The following SUPT16H variants were observed in gnomAD, a reference collection of about 807,000 sequenced individuals.
SUPT16H encodes FACT complex subunit SPT16.
In SUPT16H, 24 loss-of-function variants were observed where a neutral mutation model predicts 136.2. The ratio of observed to expected loss-of-function variants is 0.18; its 90% confidence interval spans 0.13 to 0.25. The LOEUF is 0.25. SUPT16H is among the 10% of genes least tolerant of loss of function. The pLI, the probability that SUPT16H is intolerant of heterozygous loss-of-function variation, is 1.00. For missense variants in SUPT16H, 623 were observed against 1,270.2 expected (o/e 0.49, Z 7.74); for synonymous variants, 415 against 428.2 (o/e 0.97, Z 0.38).
At chr14:21,359,142 G>T (rs988959821) in intron 19 of SUPT16H, among the ~76,000 whole-genome samples, 1 of 151,878 alleles carries the variant, frequency 6.6e-6, no homozygotes, top group Admixed American at 6.6e-5. Context: ...CTGTCGCCCA[G>T]GCTGGAGTGC....
Position 21,352,822 on chromosome 14 carries a change from A to T in SUPT16H, c.2999-4T>A. ...TCGTAACGACTTTCTCGGTCCGCTA[A>T]ATAGAAGAGGCATTATTAGTTAGCA... On this transcript the variant is annotated splice_region_variant and splice_polypyrimidine_tract_variant and intron_variant, in intron 25 of 25. Transcript: ENST00000216297. 1 of 1,614,100 alleles carries T rather than the reference A, an allele frequency of 6.2e-7. No individual in the cohort carries two copies. Among genetic ancestry groups the T allele is most frequent in the Non-Finnish European group, 8.5e-7 (1 of 1,179,998 alleles).
At position 21,366,465 on chromosome 14, in the gene SUPT16H, C is replaced by T; in HGVS notation, c.1020G>A (p.Leu340=). ...MDVVKKQKPE[L]LNKITKNLGF... is the part of the protein sequence containing the mutation. ...CTAGGTTTTTGGTAATTTTGTTCAG[C>T]AGTTCTGGCTTCTGCTTTTTAACCA... The change falls in exon 8 of 26, where the codon CTG becomes CTA. Residue 340 remains leucine (L), a synonymous_variant. Transcript: ENST00000216297. The T allele has an allele frequency of 6.2e-7, 1 of 1,614,026 alleles. No homozygotes were observed. The highest frequency in any genetic ancestry group is 1.1e-5 in the South Asian group (1 of 91,058).
At position 21,352,598 on chromosome 14, in the gene SUPT16H, TAC is replaced by T. The variant is rs1452566325; in HGVS notation, c.*73_*74del. The T allele has an allele frequency of 1.4e-5, 23 of 1,596,968 alleles. No homozygotes were observed. The highest frequency in any genetic ancestry group is 6.8e-5 in the African/African-American group (5 of 73,676). On this transcript the variant is annotated 3_prime_UTR_variant, in exon 26 of 26. Transcript: ENST00000216297. ...CTTCAAATGAAAACGAAAGGAAAAA[TAC>T]AGTTTCTATGTCATGTAAAATTTTC... is the stretch of plus-strand genomic sequence containing the variant.
intron 25 of SUPT16H, 93 bp downstream of exon 25, chr14:21,353,394 CA>C: frequency 8.0e-7 from 1 of 1,255,092 alleles, no homozygotes; most frequent in Non-Finnish European, 1.1e-6. Flanking sequence ...TTGTTACTTT[CA>C]TTACGCCATC....
At chr14:21,371,104 T>G (rs909576792) in intron 3 of SUPT16H, among the ~76,000 whole-genome samples, 1 of 152,116 alleles carries the variant, frequency 6.6e-6, no homozygotes, top group Admixed American at 6.6e-5. Context: ...CTGGAACTCC[T>G]GCGCTCAAGT....
chr14:21,354,354 G>A, intron 23 of SUPT16H, 57 bp downstream of exon 23: 1 of 1,598,886 alleles, frequency 6.3e-7, no homozygotes, highest in Non-Finnish European at 8.5e-7. Flanking sequence ...CATTCTAACT[G>A]ACCAAATGAT....
Position 21,361,172 on chromosome 14 carries a change from G to A in SUPT16H, c.1835C>T (p.Thr612Ile), listed in dbSNP as rs1886543421. The A allele has an allele frequency of 3.7e-6, 6 of 1,614,100 alleles. No individual in the cohort carries two copies. The highest frequency in any genetic ancestry group is 5.1e-6 in the Non-Finnish European group (6 of 1,180,006). ...ASNIKAPGEQ[T>I]VPALNLQNAF... is the part of the protein sequence containing the mutation. ...ATTCTGAAGGTTCAAGGCTGGTACT[G>A]TCTGTTCTCCGGGTGCCTTAATATT... is the stretch of plus-strand genomic sequence containing the variant. Residue 612 changes from threonine (T) to isoleucine (I), a missense_variant, in exon 16 of 26, where the codon ACA becomes ATA. Thr to Ile is a moderately conservative substitution (Grantham distance 89, BLOSUM62 -1). Transcript: ENST00000216297.
At chr14:21,364,973 G>C (rs1347223577) in intron 9 of SUPT16H, 34 bp from the exon 10 acceptor site, 3 of 1,610,572 alleles carry the variant, frequency 1.9e-6, no homozygotes, top group Non-Finnish European at 2.5e-6. Context: ...GTCTGTGGCT[G>C]TGACAATGTG....
At position 21,353,842 on chromosome 14, in the gene SUPT16H, T is replaced by C. The variant is rs373877022; in HGVS notation, c.2791-10A>G. ...CTTCAGCATCACTCCCCTGGTGAGT[T>C]AGAGCATAATACTGATTTTTTTTTG... is the stretch of plus-strand genomic sequence containing the variant. On this transcript the variant is annotated splice_polypyrimidine_tract_variant and intron_variant, in intron 23 of 25. Coordinates refer to ENST00000216297, the MANE Select transcript of SUPT16H (RefSeq NM_007192.4). 2.5e-5 allele frequency: 41 copies of C among 1,610,120 alleles called. No homozygotes were observed. In the African/African-American group the frequency reaches 4.6e-4, roughly 18 times the overall value.
Position 21,369,777 on chromosome 14 carries a change from T to C in SUPT16H, c.603A>G (p.Arg201=), listed in dbSNP as rs779742875. Residue 201 remains arginine (R), a synonymous_variant, in exon 5 of 26, where the codon AGA becomes AGG. Transcript: ENST00000216297. ...SEVFNKFFKE[R]VMEIVDADEK... ...CATCTGCATCAACTATTTCCATGACTCTTTCCTTGAAGAATTTGTTGAAGA... is the reference window on the plus strand; with the variant it reads ...CATCTGCATCAACTATTTCCATGACCCTTTCCTTGAAGAATTTGTTGAAGA... The C allele has an allele frequency of 1.9e-6, 3 of 1,614,098 alleles. No homozygotes were observed. The highest frequency in any genetic ancestry group is 2.2e-5 in the South Asian group (2 of 91,076).
intron 1 of SUPT16H, among the ~76,000 whole-genome samples, chr14:21,381,786 C>CTTTT (rs5807076): frequency 1.5e-5 from 2 of 132,412 alleles, no homozygotes; most frequent in Non-Finnish European, 3.1e-5. Flanking sequence ...ATTTATTTGC[C>CTTTT]TTTTTTTTTT....
intron 19 of SUPT16H, among the ~76,000 whole-genome samples, 187 bp from the exon 20 acceptor site, chr14:21,358,614 T>C (rs1371939783): frequency 6.6e-6 from 1 of 152,192 alleles, no homozygotes; most frequent in African/African-American, 2.4e-5. Context: ...GCACAGATCA[T>C]CCCTGAAGTG....
chr14:21,352,709 T>C lies in SUPT16H; in HGVS notation c.3108A>G (p.Arg1036=), dbSNP rs758236791. The C allele has an allele frequency of 1.2e-6, 2 of 1,614,146 alleles. No homozygotes were observed. The highest frequency in any genetic ancestry group is 3.3e-5 in the Admixed American group (2 of 60,020). ...TTTTCTTGGGGGGTGCAGAGCTGTG[T>C]CTGGAACCACGGTTAGAGCCACGGC... ...SSGRGSNRGS[R]HSSAPPKKKR... Residue 1036 remains arginine (R), a synonymous_variant, in exon 26 of 26, where the codon AGA becomes AGG. Coordinates refer to ENST00000216297, the MANE Select transcript of SUPT16H (RefSeq NM_007192.4).
intron 1 of SUPT16H, among the ~76,000 whole-genome samples, chr14:21,377,860 G>A (rs1886937453): frequency 6.6e-6 from 1 of 152,206 alleles, no homozygotes; most frequent in Non-Finnish European, 1.5e-5. Context: ...CTGGCCTTAA[G>A]TGATCTGCCC....
At chr14:21,379,478 G>A (rs1248463547) in intron 1 of SUPT16H, among the ~76,000 whole-genome samples, 2 of 144,900 alleles carry the variant, frequency 1.4e-5, no homozygotes, top group Non-Finnish European at 1.5e-5. Flanking sequence ...GACTATAAAA[G>A]CTGAGTAAGC....
chr14:21,382,141 T>A (rs1379675159), intron 1 of SUPT16H, among the ~76,000 whole-genome samples: 2 of 152,158 alleles, frequency 1.3e-5, no homozygotes, highest in Non-Finnish European at 2.9e-5. Context: ...TACAGGTGGG[T>A]TCTGGACACA....
Position 21,352,800 on chromosome 14 carries a change from T to C in SUPT16H, c.3017A>G (p.Tyr1006Cys). 6.2e-7 allele frequency: 1 copy of C among 1,614,120 alleles called. No individual in the cohort carries two copies. Among genetic ancestry groups the C allele is most frequent in the Non-Finnish European group, 8.5e-7 (1 of 1,180,020 alleles). Residue 1006 changes from tyrosine (Y) to cysteine (C), a missense_variant, in exon 26 of 26, where the codon TAC (tyrosine) becomes TGC (cysteine). Coordinates refer to ENST00000216297, the MANE Select transcript of SUPT16H (RefSeq NM_007192.4). The stretch of plus-strand genomic sequence containing the variant: ...TCGACTTTGTTCTTCTTCTTCCTCG[T>C]AACGACTTTCTCGGTCCGCTAAATA... ...EARKADRESR[Y>C]EEEEEQSRSM...
intron 15 of SUPT16H, among the ~76,000 whole-genome samples, chr14:21,361,725 T>G (rs568712578): frequency 8.5e-4 from 130 of 152,316 alleles, no homozygotes; most frequent in Non-Finnish European, 1.5e-3. Context: ...TATTTGAAGA[T>G]TCTACTGCAA....
intron 16 of SUPT16H, 37 bp downstream of exon 16, chr14:21,361,041 C>T (rs377729150): frequency 2.5e-6 from 4 of 1,611,032 alleles, no homozygotes; most frequent in South Asian, 1.1e-5. Flanking sequence ...ACATGTCCTT[C>T]TTTGTGTAAG....
Sources: gnomAD v4.1 joint callset for allele counts (sites outside exome capture counted in the v4.1 genomes callset) on GRCh38, gnomAD v4.1.1 for gene constraint, MANE v1.5 for transcripts, NCBI Gene and HGNC (gene_info 2026-07-23, HGNC 2026-07-21) for gene names.